EIF4EBP1: variants seen among roughly 807,000 people sequenced by gnomAD.
EIF4EBP1 encodes the protein eukaryotic translation initiation factor 4E binding protein 1.
EIF4EBP1 carries 5 observed loss-of-function variants against 9.2 expected under a neutral mutation model. That is an observed-to-expected ratio of 0.54 (90% confidence interval 0.28 to 1.14). The LOEUF is 1.14. Ranked by LOEUF, EIF4EBP1 falls within the 50% of genes most tolerant of loss-of-function variation. The pLI is 0.09. For synonymous variants in EIF4EBP1, 62 were observed against 67.0 expected (o/e 0.93, Z 0.36); for missense variants, 139 against 169.6 (o/e 0.82, Z 1.00).
At chr8:38,031,807 T>TA (rs1242376858) in intron 1 of EIF4EBP1, among the ~76,000 whole-genome samples, 1 of 152,220 alleles carries the variant, frequency 6.6e-6, no homozygotes, top group Non-Finnish European at 1.5e-5. Context: ...CGTCTTATTC[T>TA]ACAGAGCCCG....
At position 38,042,089 on chromosome 8, in the gene EIF4EBP1, C is replaced by T. The variant is rs970186559; in HGVS notation, c.145+11371C>T. The stretch of plus-strand genomic sequence containing the variant: ...GTTGAGCCTTCATTGCAGGCCATCA[C>T]CCAAACCATCTCCTCTTCCCCCTCC... On this transcript the variant is annotated intron_variant, in intron 1 of 2. Transcript: ENST00000338825. 3.9e-5 allele frequency among the ~76,000 whole-genome samples: 6 copies of T among 152,248 alleles called. No individual in the cohort carries two copies. In the East Asian group the frequency reaches 7.7e-4, roughly 20 times the overall value.
At chr8:38,040,039 C>T (rs1809355896) in intron 1 of EIF4EBP1, among the ~76,000 whole-genome samples, 1 of 152,066 alleles carries the variant, frequency 6.6e-6, no homozygotes. Flanking sequence ...CAGGCACATG[C>T]TACCACACCT....
At chr8:38,034,857 G>A (rs1220471428) in intron 1 of EIF4EBP1, among the ~76,000 whole-genome samples, 1 of 152,196 alleles carries the variant, frequency 6.6e-6, no homozygotes, top group Non-Finnish European at 1.5e-5. Context: ...TTAGTCACAT[G>A]GAGGGAAGAA....
intron 1 of EIF4EBP1, among the ~76,000 whole-genome samples, chr8:38,050,417 T>C (rs1318591779): frequency 1.3e-5 from 2 of 152,106 alleles, no homozygotes; most frequent in Non-Finnish European, 2.9e-5. Flanking sequence ...GGTGCAGTCT[T>C]AGCTCACTGC....
Position 38,030,727 on chromosome 8 carries a change from G to A in EIF4EBP1, c.145+9G>A. 7.2e-7 allele frequency: 1 copy of A among 1,385,466 alleles called. No homozygotes were observed. Among genetic ancestry groups the A allele is most frequent in the Non-Finnish European group, 9.3e-7 (1 of 1,075,956 alleles). The allele number at this position is 1,385,466 out of a possible 1,614,324, so 85.8% of individuals were successfully genotyped here. On this transcript the variant is annotated intron_variant, in intron 1 of 2. Transcript: ENST00000338825. ...CAGCACCACCCCGGGAGGTAGGCGC[G>A]GGCTTGGCGACGCCGCTTGCCGGCT...
chr8:38,054,929 C>G (rs1809576198), intron 1 of EIF4EBP1, among the ~76,000 whole-genome samples: 1 of 152,166 alleles, frequency 6.6e-6, no homozygotes, highest in Admixed American at 6.6e-5. Context: ...TAGGGTCACA[C>G]AGCTGACTGG....
At position 38,033,279 on chromosome 8, in the gene EIF4EBP1, G is replaced by C. The variant is rs144943011; in HGVS notation, c.145+2561G>C. Among the ~76,000 whole-genome samples, 176 of 151,814 alleles carry C rather than the reference G, an allele frequency of 1.2e-3. 2 individuals are homozygous for C. Among genetic ancestry groups the C allele is most frequent in the Non-Finnish European group, 4.7e-4 (32 of 67,920 alleles). ...ACGGGGGTTTCACCATGTTGACCAG[G>C]CTGGTCTCAAACTCCTGGCCTCAAG... On this transcript the variant is annotated intron_variant, in intron 1 of 2. Coordinates refer to ENST00000338825, the MANE Select transcript of EIF4EBP1 (RefSeq NM_004095.4).
chr8:38,060,234 T>G lies in EIF4EBP1; in HGVS notation c.*299T>G. ...ACAAGAACGAACCCTTCCTTCCGAA[T>G]GATCAGCAGTTCCAGCCCCTCGCTG... is the stretch of plus-strand genomic sequence containing the variant. On this transcript the variant is annotated 3_prime_UTR_variant, in exon 3 of 3. Coordinates refer to ENST00000338825, the MANE Select transcript of EIF4EBP1 (RefSeq NM_004095.4). 2.1e-6 allele frequency: 1 copy of G among 473,226 alleles called. No homozygotes were observed. The allele number at this position is 473,226 out of a possible 1,614,324, so 29.3% of individuals were successfully genotyped here.
rs1328299736 is a variant in EIF4EBP1 at position 38,030,568 on chromosome 8, G to A, written c.-6G>A. ...AGAGGTTCGCGGGTGCAGCGCACAG[G>A]AGACCATGTCCGGGGGCAGCAGCTG... is the stretch of plus-strand genomic sequence containing the variant. On this transcript the variant is annotated 5_prime_UTR_variant, in exon 1 of 3. Coordinates refer to ENST00000338825, the MANE Select transcript of EIF4EBP1 (RefSeq NM_004095.4). The A allele has an allele frequency of 2.2e-5, 34 of 1,514,304 alleles. No individual in the cohort carries two copies. Among genetic ancestry groups the A allele is most frequent in the Non-Finnish European group, 3.0e-5 (34 of 1,137,736 alleles). 93.8% of individuals were successfully genotyped at this position (1,514,304 alleles called of 1,614,324 possible). A position where few individuals can be genotyped will look rare whatever the true frequency, so the allele number is the denominator to read the frequency against.
intron 2 of EIF4EBP1, among the ~76,000 whole-genome samples, chr8:38,058,754 CT>C (rs894076816): frequency 1.3e-5 from 2 of 152,162 alleles, no homozygotes; most frequent in African/African-American, 4.8e-5. Flanking sequence ...AAGTTATCTA[CT>C]TTCAAAAAAT....
chr8:38,040,340 T>A (rs1809360222), intron 1 of EIF4EBP1, among the ~76,000 whole-genome samples: 1 of 152,230 alleles, frequency 6.6e-6, no homozygotes, highest in South Asian at 2.1e-4. Flanking sequence ...AAGGGCTCCA[T>A]GTAATCTGAT....
intron 2 of EIF4EBP1, among the ~76,000 whole-genome samples, chr8:38,057,716 T>C (rs1480110601): frequency 7.9e-5 from 12 of 152,166 alleles, no homozygotes; most frequent in Non-Finnish European, 7.3e-5. Flanking sequence ...CCGGGATGCC[T>C]CCTGTTGGGC....
chr8:38,056,820 C>T (rs1261990442), intron 1 of EIF4EBP1, among the ~76,000 whole-genome samples: 2 of 152,016 alleles, frequency 1.3e-5, no homozygotes, highest in African/African-American at 2.4e-5. Context: ...ACCACCACCA[C>T]GCTGGCTAAT....
At position 38,057,194 on chromosome 8, in the gene EIF4EBP1, G is replaced by C; in HGVS notation, c.259G>C (p.Asp87His). Reference sequence around the variant, plus strand: ...TCCGGGGGTCACCAGCCCTTCCAGTGATGAGCCCCCCATGGAAGCCAGCCA... The same window carrying C: ...TCCGGGGGTCACCAGCCCTTCCAGTCATGAGCCCCCCATGGAAGCCAGCCA... Reference protein sequence around the residue: ...TIPGVTSPSSDEPPMEASQSH... With the variant: ...TIPGVTSPSSHEPPMEASQSH... The change falls in exon 2 of 3, where the codon GAT becomes CAT. Residue 87 changes from aspartate to histidine, a missense_variant. Transcript: ENST00000338825. 2 of 1,614,214 alleles carry C rather than the reference G, an allele frequency of 1.2e-6. No homozygotes were observed. Among genetic ancestry groups the C allele is most frequent in the Non-Finnish European group, 1.7e-6 (2 of 1,180,022 alleles).
chr8:38,030,552 C>T lies in EIF4EBP1; in HGVS notation c.-22C>T. On this transcript the variant is annotated 5_prime_UTR_variant, in exon 1 of 3. Coordinates refer to ENST00000338825, the MANE Select transcript of EIF4EBP1 (RefSeq NM_004095.4). The stretch of plus-strand genomic sequence containing the variant: ...GCGCGGGAGGGCAGCGAGAGGTTCG[C>T]GGGTGCAGCGCACAGGAGACCATGT... 2.0e-6 allele frequency: 3 copies of T among 1,493,390 alleles called. No homozygotes were observed. The highest frequency in any genetic ancestry group is 1.8e-6 in the Non-Finnish European group (2 of 1,127,576). 92.5% of individuals were successfully genotyped at this position (1,493,390 alleles called of 1,614,324 possible).
At chr8:38,040,218 C>T (rs546802263) in intron 1 of EIF4EBP1, among the ~76,000 whole-genome samples, 3 of 152,226 alleles carry the variant, frequency 2.0e-5, no homozygotes, top group Middle Eastern at 3.4e-3. Context: ...GTATTGGGGC[C>T]GGGGTCTCAG....
chr8:38,045,489 G>A (rs377047118), intron 1 of EIF4EBP1, among the ~76,000 whole-genome samples: 1 of 151,190 alleles, frequency 6.6e-6, no homozygotes, highest in Non-Finnish European at 1.5e-5. Context: ...GGGATTGCTT[G>A]AGCCCACAAG....
chr8:38,041,291 G>A (rs1428172055), intron 1 of EIF4EBP1, among the ~76,000 whole-genome samples: 5 of 151,922 alleles, frequency 3.3e-5, no homozygotes, highest in Admixed American at 6.6e-5. Context: ...TAGTAGAGGC[G>A]GGGGTCTCAC....
At chr8:38,058,241 G>T (rs983492741) in intron 2 of EIF4EBP1, among the ~76,000 whole-genome samples, 1 of 152,176 alleles carries the variant, frequency 6.6e-6, no homozygotes, top group Non-Finnish European at 1.5e-5. Context: ...CAGTTCTAGA[G>T]GCTGGGAAGG....
Sources: allele counts gnomAD v4.1 joint callset (sites outside exome capture counted in the v4.1 genomes callset), GRCh38; gene constraint gnomAD v4.1.1; transcripts MANE v1.5; gene names NCBI Gene and HGNC (gene_info 2026-07-23, HGNC 2026-07-21).